Variants in KLHL1 observed in about 807,000 individuals in gnomAD.
KLHL1 encodes the protein kelch like family member 1, also known as kelch-like protein 1.
A neutral mutation model predicts 77.7 loss-of-function variants in KLHL1; 47 were observed. That is an observed-to-expected ratio of 0.60 (90% confidence interval 0.48 to 0.77). The LOEUF (loss-of-function observed/expected upper bound fraction) is 0.77, where lower values mean the gene tolerates loss of function less well. Among genes scored for constraint, KLHL1 ranks in the 30% least tolerant of loss-of-function variants. The pLI is 0.00. For missense variants in KLHL1, 925 were observed against 910.8 expected, an observed-to-expected ratio of 1.02 and a Z score of -0.20; for synonymous variants, 360 against 325.2, an observed-to-expected ratio of 1.11 and a Z score of -1.15.
At chr13:70,014,486 G>A (rs1370842006) in intron 1 of KLHL1, among the ~76,000 whole-genome samples, 1 of 152,116 alleles carries the variant, frequency 6.6e-6, no homozygotes, top group Non-Finnish European at 1.5e-5. Context: ...ATCAAAAGTA[G>A]AGGGGAAAGA....
At chr13:69,811,106 C>G (rs1345674061) in intron 6 of KLHL1, among the ~76,000 whole-genome samples, 1 of 151,964 alleles carries the variant, frequency 6.6e-6, no homozygotes, top group Non-Finnish European at 1.5e-5. Flanking sequence ...GGGGCCTCCT[C>G]CCTAACTCAT....
intron 7 of KLHL1, among the ~76,000 whole-genome samples, chr13:69,743,787 A>G (rs543545129): frequency 2.7e-5 from 4 of 150,116 alleles, no homozygotes; most frequent in African/African-American, 9.8e-5. Context: ...TTTTGTCTCA[A>G]AAAAAACACC....
At chr13:69,960,048 A>C (rs1249266630) in intron 3 of KLHL1, among the ~76,000 whole-genome samples, 1 of 151,932 alleles carries the variant, frequency 6.6e-6, no homozygotes, top group African/African-American at 2.4e-5. Context: ...ATTAAGACCA[A>C]AAAATGTCTA....
rs563146868 is a variant in KLHL1, at chr13:69,947,753, T to C, written c.818-7517A>G. ...AAGTCACAAATGGAATATTAGCCAG[T>C]GTCAAGCTTCAATGCACACAAATTA... On this transcript the variant is annotated intron_variant, in intron 3 of 10. Transcript: ENST00000377844. Among the ~76,000 whole-genome samples, 41 of 152,266 alleles carry C rather than the reference T, an allele frequency of 2.7e-4. No homozygotes were observed. The South Asian group carries it at 8.5e-3, about 32-fold the overall frequency.
intron 1 of KLHL1, among the ~76,000 whole-genome samples, chr13:70,053,652 A>G (rs1886679776): frequency 6.6e-6 from 1 of 152,146 alleles, no homozygotes. Context: ...GAGACTCAAT[A>G]AATTATCTTC....
chr13:69,985,964 A>G (rs1028107884), intron 1 of KLHL1, among the ~76,000 whole-genome samples: 15 of 150,022 alleles, frequency 1.0e-4, no homozygotes, highest in African/African-American at 3.7e-4. Flanking sequence ...CTCCAGGATC[A>G]TTCATGTTGC....
intron 1 of KLHL1, among the ~76,000 whole-genome samples, chr13:70,082,855 A>G (rs190444193): frequency 2.6e-5 from 4 of 152,280 alleles, no homozygotes; most frequent in Non-Finnish European, 5.9e-5. Flanking sequence ...CCAATAACCT[A>G]AGCAAATTAG....
At chr13:69,793,744 G>C (rs1042399325) in intron 7 of KLHL1, among the ~76,000 whole-genome samples, 4 of 152,022 alleles carry the variant, frequency 2.6e-5, no homozygotes, top group African/African-American at 9.7e-5. Context: ...AGCACAAACT[G>C]TTGGTTTCAC....
intron 1 of KLHL1, among the ~76,000 whole-genome samples, chr13:70,040,900 T>C (rs897541044): frequency 6.6e-5 from 10 of 152,174 alleles, no homozygotes; most frequent in African/African-American, 2.4e-4. Context: ...TACATGTCCC[T>C]GAGGCCATGT....
At chr13:69,891,456 T>G (rs1344360829) in intron 4 of KLHL1, among the ~76,000 whole-genome samples, 2 of 152,064 alleles carry the variant, frequency 1.3e-5, no homozygotes, top group Non-Finnish European at 2.9e-5. Context: ...TATATGTGAT[T>G]CTATGACTGG....
intron 1 of KLHL1, among the ~76,000 whole-genome samples, chr13:70,093,122 C>T (rs534830769): frequency 2.4e-4 from 36 of 151,836 alleles, no homozygotes; most frequent in South Asian, 1.5e-3. Context: ...CTATATGATG[C>T]GCTATTATGT....
Position 70,036,011 on chromosome 13 carries a change from G to T in KLHL1, c.498-60209C>A, listed in dbSNP as rs578206366. ...TACTTTATAAATGCTTCAATGATGA[G>T]TATCAACACACTGAATAATTTCAGT... On this transcript the variant is annotated intron_variant, in intron 1 of 10. Coordinates refer to ENST00000377844, the MANE Select transcript of KLHL1 (RefSeq NM_020866.3). 1.8e-4 allele frequency among the ~76,000 whole-genome samples: 28 copies of T among 152,046 alleles called. No homozygotes were observed. The South Asian group carries it at 5.8e-3, about 32-fold the overall frequency.
At chr13:69,817,790 A>G (rs1878178581) in intron 6 of KLHL1, among the ~76,000 whole-genome samples, 1 of 152,194 alleles carries the variant, frequency 6.6e-6, no homozygotes, top group African/African-American at 2.4e-5. Flanking sequence ...GATCAAAAAG[A>G]ATGTACTGAG....
chr13:70,086,166 G>T (rs564268075), intron 1 of KLHL1, among the ~76,000 whole-genome samples: 31 of 151,904 alleles, frequency 2.0e-4, no homozygotes, highest in Non-Finnish European at 4.3e-4. Flanking sequence ...AGGGTAGAAA[G>T]AACAACATGG....
chr13:69,752,512 T>C (rs563797516), intron 7 of KLHL1, among the ~76,000 whole-genome samples: 62 of 152,290 alleles, frequency 4.1e-4, no homozygotes, highest in African/African-American at 1.4e-3. Flanking sequence ...TGCAATGTTA[T>C]AACATGAAAA....
At chr13:69,963,283 T>C in intron 2 of KLHL1, among the ~76,000 whole-genome samples, 1 of 152,170 alleles carries the variant, frequency 6.6e-6, no homozygotes, top group Admixed American at 6.6e-5. Flanking sequence ...GGTTTAATTG[T>C]ACCAATTTAT....
chr13:69,912,273 C>G (rs1323770870), intron 4 of KLHL1, among the ~76,000 whole-genome samples: 1 of 152,182 alleles, frequency 6.6e-6, no homozygotes, highest in Non-Finnish European at 1.5e-5. Context: ...TTGAAATCCA[C>G]TGACATAATG....
chr13:70,102,797 A>G (rs1186251250), intron 1 of KLHL1, among the ~76,000 whole-genome samples: 4 of 152,234 alleles, frequency 2.6e-5, no homozygotes, highest in Non-Finnish European at 2.9e-5. Context: ...ACGCATATAA[A>G]TATTCAACAT....
intron 7 of KLHL1, among the ~76,000 whole-genome samples, chr13:69,747,963 C>G (rs997869313): frequency 6.6e-6 from 1 of 151,786 alleles, no homozygotes; most frequent in Non-Finnish European, 1.5e-5. Flanking sequence ...TATAATAAGC[C>G]AAGGAACATT....
Sources: gnomAD v4.1 joint callset for allele counts (sites outside exome capture counted in the v4.1 genomes callset) on GRCh38, gnomAD v4.1.1 for gene constraint, MANE v1.5 for transcripts, NCBI Gene and HGNC (gene_info 2026-07-23, HGNC 2026-07-21) for gene names.